LTF: variants seen among roughly 807,000 people sequenced by gnomAD.
LTF encodes the protein epididymis luminal protein 110.
In LTF, 91 loss-of-function variants were observed where a neutral mutation model predicts 87.2. The ratio of observed to expected loss-of-function variants is 1.04; its 90% CI spans 0.88 to 1.24. The LOEUF (loss-of-function observed/expected upper bound fraction) is 1.24, where lower values mean the gene tolerates loss of function less well. LTF is among the 50% of genes most tolerant of loss of function. The pLI, the probability that LTF is intolerant of heterozygous loss-of-function variation, is 0.00. For synonymous variants in LTF, 378 were observed against 356.1 expected (o/e 1.06, Z -0.69); for missense variants, 901 against 904.3 (o/e 1.00, Z 0.05).
At chr3:46,444,083 T>TTGAAAGA (rs1702588122) in intron 12 of LTF, among the ~76,000 whole-genome samples, 8 of 152,222 alleles carry the variant, frequency 5.3e-5, no homozygotes, top group African/African-American at 1.7e-4. Context: ...CGCCAGCTTC[T>TTGAAAGA]CAGAAACATC....
intron 1 of LTF, among the ~76,000 whole-genome samples, chr3:46,482,711 A>G (rs58720855): frequency 4.0e-4 from 44 of 110,892 alleles, no homozygotes; most frequent in East Asian, 3.3e-3. Context: ...AAGGAAAGAA[A>G]GAAAGAGAAA....
intron 2 of LTF, among the ~76,000 whole-genome samples, chr3:46,470,128 T>C (rs1703264017): frequency 3.3e-5 from 5 of 152,232 alleles, no homozygotes; most frequent in Admixed American, 3.3e-4. Context: ...ACCCCACTTC[T>C]GAGTTTTCAA....
chr3:46,448,946 A>C lies in LTF; in HGVS notation c.1129T>G (p.Cys377Gly), dbSNP rs745803276. 1 of 1,613,708 alleles carries C rather than the reference A, an allele frequency of 6.2e-7. No homozygotes were observed. The highest frequency in any genetic ancestry group is 1.1e-5 in the South Asian group (1 of 91,054). The change falls in exon 9 of 17, where the codon TGT becomes GGT. Residue 377 changes from cysteine (C) to glycine (G), a missense_variant. Coordinates refer to ENST00000231751, the MANE Select transcript of LTF (RefSeq NM_002343.6). ...CAVGEQELRK[C>G]NQWSGLSEGS... Reference sequence around the variant, plus strand: ...TCGCTCAAGCCACTCCACTGGTTACACTTGCGCAGCTCCTGCTCGCCCACC... The same window carrying C: ...TCGCTCAAGCCACTCCACTGGTTACCCTTGCGCAGCTCCTGCTCGCCCACC...
intron 16 of LTF, among the ~76,000 whole-genome samples, chr3:46,437,161 G>A (rs570420658): frequency 4.9e-4 from 74 of 152,230 alleles, no homozygotes; most frequent in Admixed American, 9.8e-4. Context: ...AGTTATCACC[G>A]GGAGCCTTAC....
chr3:46,467,179 A>G (rs532838321), upstream of LTF, among the ~76,000 whole-genome samples: 2 of 152,078 alleles, frequency 1.3e-5, no homozygotes, highest in Non-Finnish European at 2.9e-5. Flanking sequence ...AGTCTGCCCC[A>G]AAAAACAATG....
At chr3:46,445,483 C>T in intron 11 of LTF, 47 bp from the exon 12 acceptor site, 3 of 1,552,414 alleles carry the variant, frequency 1.9e-6, no homozygotes, top group East Asian at 4.6e-5. Context: ...TCCAGGAGGC[C>T]TGGCACATGG....
chr3:46,449,057 C>G, intron 8 of LTF, 40 bp from the exon 9 acceptor site: 1 of 1,571,456 alleles, frequency 6.4e-7, no homozygotes, highest in Non-Finnish European at 8.6e-7. Flanking sequence ...GCAACCTGAG[C>G]TTTGCCAGGT....
At chr3:46,463,323 G>A in intron 1 of LTF, 3 of 323,336 alleles carry the variant, frequency 9.3e-6, no homozygotes, top group Non-Finnish European at 1.3e-5. Flanking sequence ...TAGGGCCCAA[G>A]CAGACTGCTC....
At position 46,453,708 on chromosome 3, in the gene LTF, C is replaced by T. The variant is rs543648708; in HGVS notation, c.703+597G>A. Among the ~76,000 whole-genome samples, 8 of 152,284 alleles carry T rather than the reference C, an allele frequency of 5.3e-5. No homozygotes were observed. In the East Asian group the frequency reaches 1.5e-3, roughly 29 times the overall value. ...TTAGCCTCTACATACTCATCAACTG[C>T]TTTATTATAAGTCCAGGAGGGACGC... On this transcript the variant is annotated intron_variant, in intron 6 of 16. Coordinates refer to ENST00000231751, the MANE Select transcript of LTF (RefSeq NM_002343.6).
chr3:46,460,828 C>T (rs1302393903), intron 1 of LTF, among the ~76,000 whole-genome samples: 1 of 152,068 alleles, frequency 6.6e-6, no homozygotes, highest in Non-Finnish European at 1.5e-5. Context: ...GAAGAATCTA[C>T]AAAGTACTAT....
chr3:46,484,084 A>G (rs895878370), intron 1 of LTF, among the ~76,000 whole-genome samples: 4 of 152,198 alleles, frequency 2.6e-5, no homozygotes, highest in African/African-American at 9.7e-5. Context: ...GAGGCTACAG[A>G]GCAAAGCTTT....
intron 1 of LTF, chr3:46,460,615 C>G (rs1703057215): frequency 2.2e-6 from 1 of 454,660 alleles, no homozygotes; most frequent in Non-Finnish European, 4.4e-6. Flanking sequence ...GAACATCATA[C>G]TAAAATGGTG....
intron 13 of LTF, among the ~76,000 whole-genome samples, chr3:46,442,531 C>A (rs1324996580): frequency 6.6e-6 from 1 of 150,764 alleles, no homozygotes; most frequent in Non-Finnish European, 1.5e-5. Flanking sequence ...ATGCTTCTTT[C>A]GGGCTCTTAT....
At chr3:46,460,935 T>C (rs1191136717) in intron 1 of LTF, among the ~76,000 whole-genome samples, 1 of 151,980 alleles carries the variant, frequency 6.6e-6, no homozygotes, top group African/African-American at 2.4e-5. Context: ...AATCTAAAAA[T>C]GAAATTAAGA....
chr3:46,448,764 C>T, intron 9 of LTF, 99 bp downstream of exon 9: 1 of 1,431,168 alleles, frequency 7.0e-7, no homozygotes, highest in Non-Finnish European at 9.5e-7. Flanking sequence ...CACCCAGGCC[C>T]CCGTGGCCTC....
chr3:46,473,911 C>A (rs1703324829), intron 1 of LTF, among the ~76,000 whole-genome samples: 3 of 152,314 alleles, frequency 2.0e-5, no homozygotes, highest in Non-Finnish European at 4.4e-5. Context: ...TGTGATAAAT[C>A]ATGTGTGTAC....
chr3:46,447,490 AG>A (rs1409509302), intron 9 of LTF, 92 bp from the exon 10 acceptor site: 1 of 889,080 alleles, frequency 1.1e-6, no homozygotes, highest in Non-Finnish European at 1.9e-6. Flanking sequence ...GTTTTCTGTC[AG>A]GTGACCAGTG....
intron 12 of LTF, among the ~76,000 whole-genome samples, chr3:46,444,883 T>C (rs1212971356): frequency 6.6e-6 from 1 of 152,196 alleles, no homozygotes; most frequent in Non-Finnish European, 1.5e-5. Flanking sequence ...TCAGTTTTGC[T>C]TAGTAACAGG....
chr3:46,454,465 G>T, intron 5 of LTF, 105 bp from the exon 6 acceptor site: 3 of 995,906 alleles, frequency 3.0e-6, no homozygotes, highest in Non-Finnish European at 4.8e-6. Flanking sequence ...TCTACTCCCT[G>T]CAGGGCAGGG....
Sources: allele counts gnomAD v4.1 joint callset (sites outside exome capture counted in the v4.1 genomes callset), GRCh38; gene constraint gnomAD v4.1.1; transcripts MANE v1.5; gene names NCBI Gene and HGNC (gene_info 2026-07-23, HGNC 2026-07-21).